Variants in PCDH15 observed in about 807,000 individuals in gnomAD.
The protein encoded by PCDH15 is protocadherin related 15.
A neutral mutation model predicts 178.5 loss-of-function variants in PCDH15; 129 were observed. The observed-to-expected ratio is 0.72, with a 90% confidence interval of 0.63 to 0.84. The LOEUF is 0.84. Among genes scored for constraint, PCDH15 ranks in the 40% least tolerant of loss-of-function variants. The probability of loss-of-function intolerance (pLI) is 0.00; values close to 1 mark genes in which losing one functional copy is unlikely to be tolerated. For synonymous variants in PCDH15, 800 were observed against 732.0 expected (o/e 1.09, Z -1.50); for missense variants, 2,230 against 2,099.9 (o/e 1.06, Z -1.21).
rs561049878 is a variant in PCDH15 at position 54,797,806 on chromosome 10, G to C, written c.-29+3119C>G. ...AGCACACATGTGTATGTGTGGGCAG[G>C]GGGGGAGCGGGGTGTGTCCATCTTA... On this transcript the variant is annotated intron_variant, in intron 1 of 37. Coordinates refer to ENST00000644397, the MANE Select transcript of PCDH15 (RefSeq NM_001384140.1). Among the ~76,000 whole-genome samples, 132 of 151,966 alleles carry C rather than the reference G, an allele frequency of 8.7e-4. 1 individual carries two copies. The highest frequency in any genetic ancestry group is 1.5e-3 in the Non-Finnish European group (100 of 67,932).
intron 2 of PCDH15, among the ~76,000 whole-genome samples, chr10:55,122,471 C>T (rs1322196819): frequency 6.6e-6 from 1 of 151,910 alleles, no homozygotes; most frequent in Non-Finnish European, 1.5e-5. Flanking sequence ...TGGTCAAAGA[C>T]TTGCTAAGTT....
At chr10:54,926,454 A>T (rs937896498) in intron 2 of PCDH15, among the ~76,000 whole-genome samples, 2 of 151,924 alleles carry the variant, frequency 1.3e-5, no homozygotes, top group African/African-American at 4.8e-5. Context: ...TATGAGGATG[A>T]TGTGGGCTTC....
At chr10:55,100,933 A>T (rs1198006108) in intron 2 of PCDH15, among the ~76,000 whole-genome samples, 1 of 152,188 alleles carries the variant, frequency 6.6e-6, no homozygotes, top group African/African-American at 2.4e-5. Flanking sequence ...TGCAATTCCT[A>T]AAATAGAAAT....
chr10:54,701,484 A>G lies in PCDH15; in HGVS notation c.-28-37194T>C, dbSNP rs79695909. On this transcript the variant is annotated intron_variant, in intron 1 of 37. Transcript: ENST00000644397. ...AACCTTGAATGTAAATGAGCTAAAT[A>G]ACCTAATTAAAAGGCATAGAGTGGC... Among the ~76,000 whole-genome samples, 93 of 152,190 alleles carry G rather than the reference A, an allele frequency of 6.1e-4. No individual in the cohort carries two copies. In the East Asian group the frequency reaches 0.013, roughly 21 times the overall value.
intron 15 of PCDH15, among the ~76,000 whole-genome samples, chr10:54,107,678 A>C (rs2094941535): frequency 6.6e-6 from 1 of 152,124 alleles, no homozygotes; most frequent in Non-Finnish European, 1.5e-5. Context: ...CAGCAGTGTA[A>C]TTTGGGGTGT....
At chr10:54,379,933 A>G (rs1249224494) in intron 3 of PCDH15, among the ~76,000 whole-genome samples, 1 of 152,112 alleles carries the variant, frequency 6.6e-6, no homozygotes, top group Non-Finnish European at 1.5e-5. Context: ...ATATACAGAG[A>G]ATCCATAAAT....
At chr10:54,386,100 TTGTGTGTGTGTGTGTGTG>T (rs60205554) in intron 3 of PCDH15, among the ~76,000 whole-genome samples, 2 of 139,786 alleles carry the variant, frequency 1.4e-5, no homozygotes, top group African/African-American at 2.7e-5. Flanking sequence ...TAGTTATTAG[TTGTGTGTGTGTGTGTGTG>T]TGTGTGTGTG....
intron 10 of PCDH15, among the ~76,000 whole-genome samples, chr10:54,211,592 T>C (rs1223311295): frequency 6.6e-6 from 1 of 152,060 alleles, no homozygotes; most frequent in African/African-American, 2.4e-5. Context: ...CACCAGCTGT[T>C]AAATACACAC....
intron 2 of PCDH15, among the ~76,000 whole-genome samples, chr10:55,581,628 C>T (rs1842616100): frequency 1.3e-5 from 2 of 151,934 alleles, no homozygotes; most frequent in Non-Finnish European, 2.9e-5. Context: ...AATTTAAAAT[C>T]TCTGAAAATT....
At chr10:54,709,086 A>G (rs1455625888) in intron 1 of PCDH15, among the ~76,000 whole-genome samples, 1 of 152,120 alleles carries the variant, frequency 6.6e-6, no homozygotes, top group Non-Finnish European at 1.5e-5. Context: ...AATTCTTACC[A>G]CCACTGATTA....
chr10:55,366,669 T>C (rs908631338), intron 2 of PCDH15, among the ~76,000 whole-genome samples: 2 of 152,166 alleles, frequency 1.3e-5, no homozygotes, highest in Non-Finnish European at 2.9e-5. Context: ...TGTAGAATGT[T>C]CACTAAGTTC....
At chr10:54,629,541 G>A (rs1024887824) in intron 2 of PCDH15, among the ~76,000 whole-genome samples, 5 of 151,858 alleles carry the variant, frequency 3.3e-5, no homozygotes, top group Non-Finnish European at 5.9e-5. Flanking sequence ...CATAAAATTC[G>A]ACATCTCTTT....
At chr10:55,465,523 T>A (rs1839813750) in intron 2 of PCDH15, among the ~76,000 whole-genome samples, 1 of 152,086 alleles carries the variant, frequency 6.6e-6, no homozygotes, top group Non-Finnish European at 1.5e-5. Flanking sequence ...CTTATTTAAT[T>A]TGAAAGCTTC....
intron 5 of PCDH15, among the ~76,000 whole-genome samples, chr10:54,363,022 T>C (rs1398258259): frequency 6.6e-6 from 1 of 152,136 alleles, no homozygotes; most frequent in East Asian, 1.9e-4. Flanking sequence ...TCTTGCTTTC[T>C]ATCTCAGGAA....
Position 53,818,928 on chromosome 10 carries a change from C to T in PCDH15, c.4434-915G>A, listed in dbSNP as rs74553871. 5.6e-4 allele frequency among the ~76,000 whole-genome samples: 85 copies of T among 152,080 alleles called. No individual in the cohort carries two copies. In the East Asian group the frequency reaches 0.01, roughly 19 times the overall value. On this transcript the variant is annotated intron_variant, in intron 33 of 37. Transcript: ENST00000644397. The stretch of plus-strand genomic sequence containing the variant: ...TTGAGGCCTTCACAAAGTAATTCTA[C>T]TTATCAGAAAGCATCTTGTATGGTT...
chr10:55,013,292 G>A (rs1048311817), intron 2 of PCDH15, among the ~76,000 whole-genome samples: 2 of 152,114 alleles, frequency 1.3e-5, no homozygotes, highest in Non-Finnish European at 1.5e-5. Context: ...TCTGTGCACA[G>A]TACCTGAAAA....
chr10:54,368,774 TAC>T (rs1947186657), intron 5 of PCDH15, among the ~76,000 whole-genome samples: 1 of 151,892 alleles, frequency 6.6e-6, no homozygotes, highest in Admixed American at 6.6e-5. Context: ...ACCTCAGAAA[TAC>T]AAAGGCAATG....
chr10:55,467,502 T>C (rs888259081), intron 2 of PCDH15, among the ~76,000 whole-genome samples: 2 of 152,076 alleles, frequency 1.3e-5, no homozygotes, highest in African/African-American at 2.4e-5. Context: ...CAGGTTTAAT[T>C]ATATATTTTA....
At chr10:54,117,563 T>A (rs1432509919) in intron 15 of PCDH15, among the ~76,000 whole-genome samples, 2 of 152,094 alleles carry the variant, frequency 1.3e-5, no homozygotes, top group Non-Finnish European at 2.9e-5. Context: ...AGGTCCTGAG[T>A]TTTTTTCCTA....
Sources: allele counts gnomAD v4.1 joint callset (sites outside exome capture counted in the v4.1 genomes callset), GRCh38; gene constraint gnomAD v4.1.1; transcripts MANE v1.5; gene names NCBI Gene and HGNC (gene_info 2026-07-23, HGNC 2026-07-21).